The following PXDN variants were observed in gnomAD, a reference collection of about 807,000 sequenced individuals.
The protein encoded by PXDN is peroxidasin, also known as peroxidasin homolog.
Under a neutral mutation model 140.3 loss-of-function variants are expected in PXDN, and 77 were observed. The ratio of observed to expected loss-of-function variants is 0.55; its 90% CI spans 0.46 to 0.66. The LOEUF is 0.66. PXDN is among the 30% of genes least tolerant of loss of function. PXDN has a pLI of 0.00. For synonymous variants in PXDN, 911 were observed against 857.4 expected (o/e 1.06, Z -1.09); for missense variants, 1,838 against 2,039.5 (o/e 0.90, Z 1.90).
rs1685638596 is a variant in PXDN at position 1,744,335 on chromosome 2, G to T, written c.121C>A (p.Leu41Met). 1.3e-6 allele frequency: 2 copies of T among 1,528,164 alleles called. No individual in the cohort carries two copies. The allele number at this position is 1,528,164 out of a possible 1,614,324, so 94.7% of individuals were successfully genotyped here. A position where few individuals can be genotyped will look rare whatever the true frequency, so the allele number is the denominator to read the frequency against. The change falls in exon 1 of 23, where the codon CTG becomes ATG. Residue 41 changes from leucine to methionine, a missense_variant. By Grantham distance (15) the Leu-to-Met change is conservative. Around this residue, in one of 5 missense-constraint regions of PXDN, gnomAD observed 231 missense variants for 201.5 expected, o/e 1.15. Coordinates refer to ENST00000252804, the MANE Select transcript of PXDN (RefSeq NM_012293.3). ...KPGAGCPSRC[L>M]CFRTTVRCMH... ...CAGCGCACGGTGGTGCGGAAGCACA[G>T]GCAGCGGCTCGGACACCCTGCGCCC...
At chr2:1,658,027 GCTCTCTCTCTCTCT>G (rs1156959508) in intron 14 of PXDN, among the ~76,000 whole-genome samples, 29 of 4,906 alleles carry the variant, frequency 5.9e-3, no homozygotes, top group Admixed American at 0.017. Flanking sequence ...TCAGCTGTGG[GCTCTCTCTCTCTCT>G]CTCTCTCTCT....
intron 1 of PXDN, among the ~76,000 whole-genome samples, chr2:1,721,916 A>C (rs982398963): frequency 1.3e-5 from 2 of 152,238 alleles, no homozygotes; most frequent in Admixed American, 1.3e-4. Flanking sequence ...TATTTATACC[A>C]AATAGTTACT....
intron 1 of PXDN, among the ~76,000 whole-genome samples, chr2:1,701,692 C>A (rs776720481): frequency 2.6e-5 from 4 of 152,130 alleles, no homozygotes; most frequent in Non-Finnish European, 4.4e-5. Flanking sequence ...CCTGAGCCCC[C>A]ACGGCTGCAG....
chr2:1,676,140 A>G (rs11127327), intron 8 of PXDN: 57,118 of 146,598 alleles, frequency 0.39, 11,491 homozygotes, highest in Admixed American at 0.41. Context: ...CCCTGCACCC[A>G]GGTCCTGCCC....
chr2:1,722,605 C>CA (rs1322913014), intron 1 of PXDN, among the ~76,000 whole-genome samples: 1 of 152,212 alleles, frequency 6.6e-6, no homozygotes, highest in Non-Finnish European at 1.5e-5. Flanking sequence ...AACCTCCCCT[C>CA]AAAAAATATA....
chr2:1,663,925 C>T (rs916172647), intron 11 of PXDN, 162 bp from the exon 12 acceptor site: 3 of 769,614 alleles, frequency 3.9e-6, no homozygotes, highest in Non-Finnish European at 6.3e-6. Context: ...CCAGCAGACA[C>T]CATGGTGACA....
upstream of PXDN, chr2:1,744,517 C>T: frequency 7.7e-7 from 1 of 1,292,024 alleles, no homozygotes; most frequent in Non-Finnish European, 9.8e-7. Context: ...CCCGACTGCG[C>T]CCGCCCGGCC....
chr2:1,723,176 T>C (rs1363709296), intron 1 of PXDN, among the ~76,000 whole-genome samples: 2 of 151,382 alleles, frequency 1.3e-5, no homozygotes, highest in Non-Finnish European at 2.9e-5. Flanking sequence ...TGAGTAGTTA[T>C]GGATGAATGG....
intron 1 of PXDN, among the ~76,000 whole-genome samples, chr2:1,727,797 T>A (rs183484542): frequency 1.3e-5 from 2 of 152,312 alleles, no homozygotes; most frequent in African/African-American, 4.8e-5. Context: ...GACTTCCTAA[T>A]AGTATAATTA....
chr2:1,672,738 G>A (rs1056509303), intron 9 of PXDN, among the ~76,000 whole-genome samples: 3 of 152,196 alleles, frequency 2.0e-5, no homozygotes, highest in Non-Finnish European at 4.4e-5. Context: ...AAGGAGCTGG[G>A]ATTTAAACAA....
Position 1,709,451 on chromosome 2 carries a change from C to G in PXDN, c.201-16317G>C, listed in dbSNP as rs1684701671. On this transcript the variant is annotated intron_variant, in intron 1 of 22. Transcript: ENST00000252804. ...AAAGGACCTCTAACGGAAGCCACAG[C>G]GGGGCTGGGGTGCAGCGGGGCTGGG... Among the ~76,000 whole-genome samples, 5 of 143,076 alleles carry G rather than the reference C, an allele frequency of 3.5e-5. No homozygotes were observed. The South Asian group carries it at 1.1e-3, about 32-fold the overall frequency. 93.9% of individuals were successfully genotyped at this position (143,076 alleles called of 152,430 possible). A position where few individuals can be genotyped will look rare whatever the true frequency, so the allele number is the denominator to read the frequency against.
rs866181536 is a variant in PXDN at position 1,685,492 on chromosome 2, G to A, written c.417-1341C>T. On this transcript the variant is annotated intron_variant, in intron 4 of 22. Coordinates refer to ENST00000252804, the MANE Select transcript of PXDN (RefSeq NM_012293.3). The surrounding 1 kb of genome is among the most constrained non-coding windows in gnomAD (Gnocchi z 5.1). The stretch of plus-strand genomic sequence containing the variant: ...TCACAGCCCATGGCAGCTGGGGACC[G>A]ATGTAAGACCCAGGCACCACCACGG... Among the ~76,000 whole-genome samples, 24 of 152,184 alleles carry A rather than the reference G, an allele frequency of 1.6e-4. No homozygotes were observed. The highest frequency in any genetic ancestry group is 5.3e-4 in the African/African-American group (22 of 41,516).
At chr2:1,741,128 C>T (rs1395397792) in intron 1 of PXDN, among the ~76,000 whole-genome samples, 5 of 152,114 alleles carry the variant, frequency 3.3e-5, no homozygotes, top group Non-Finnish European at 5.9e-5. Flanking sequence ...GAGGGCCTAG[C>T]TCCAGTGTGT....
chr2:1,648,672 C>T lies in PXDN; in HGVS notation c.3108G>A (p.Pro1036=), dbSNP rs747044838. 53 of 1,608,406 alleles carry T rather than the reference C, an allele frequency of 3.3e-5. 1 individual carries two copies. In the South Asian group the frequency reaches 4.6e-4, roughly 14 times the overall value. Residue 1036 remains proline, a synonymous_variant, in exon 17 of 23, where the codon CCG becomes CCA. Coordinates refer to ENST00000252804, the MANE Select transcript of PXDN (RefSeq NM_012293.3). This position sits in a 1 kb window ranked among gnomAD's most constrained non-coding sequence, Gnocchi z 8.9. ...IQHITYQHWL[P]KILGEVGMRT... is the part of the protein sequence containing the mutation. ...TCATGCCCACCTCCCCCAGGATCTTCGGGAGCCAGTGCTGGTAGGTGATGT... is the reference window on the plus strand; with the variant it reads ...TCATGCCCACCTCCCCCAGGATCTTTGGGAGCCAGTGCTGGTAGGTGATGT...
Position 1,633,809 on chromosome 2 carries a change from A to C in PXDN, c.*395T>G, listed in dbSNP as rs1421927347. ...AGGTCTGCCGGCTCCTGGCATCTGAACAAGGCAAGGCTGACATATAGAGGT... is the reference window on the plus strand; with the variant it reads ...AGGTCTGCCGGCTCCTGGCATCTGACCAAGGCAAGGCTGACATATAGAGGT... On this transcript the variant is annotated 3_prime_UTR_variant, in exon 23 of 23. Coordinates refer to ENST00000252804, the MANE Select transcript of PXDN (RefSeq NM_012293.3). 6.4e-6 allele frequency: 1 copy of C among 155,510 alleles called. No homozygotes were observed. The highest frequency in any genetic ancestry group is 2.4e-5 in the African/African-American group (1 of 41,580). The allele number at this position is 155,510 out of a possible 1,614,324, so 9.6% of individuals were successfully genotyped here. A position where few individuals can be genotyped will look rare whatever the true frequency, so the allele number is the denominator to read the frequency against.
At chr2:1,732,988 GAGAA>G (rs747369917) in intron 1 of PXDN, among the ~76,000 whole-genome samples, 22 of 152,170 alleles carry the variant, frequency 1.4e-4, no homozygotes, top group Non-Finnish European at 2.6e-4. Context: ...ATCAGACATT[GAGAA>G]AGAAAGACTT....
chr2:1,682,009 G>A (rs554893559), intron 6 of PXDN, among the ~76,000 whole-genome samples: 1 of 152,350 alleles, frequency 6.6e-6, no homozygotes, highest in African/African-American at 2.4e-5. Flanking sequence ...CGAGCAGACA[G>A]CAGCCAGGAC....
chr2:1,734,735 C>A (rs773830920), intron 1 of PXDN, among the ~76,000 whole-genome samples: 1 of 152,090 alleles, frequency 6.6e-6, no homozygotes, highest in Non-Finnish European at 1.5e-5. Context: ...GGCATGGTGG[C>A]GCATGGCTGT....
intron 1 of PXDN, among the ~76,000 whole-genome samples, chr2:1,732,870 C>T (rs990511175): frequency 1.3e-5 from 2 of 152,184 alleles, no homozygotes; most frequent in African/African-American, 2.4e-5. Context: ...ATTTATTCCA[C>T]AAGTTCAAAA....
Sources: allele counts gnomAD v4.1 joint callset (sites outside exome capture counted in the v4.1 genomes callset), GRCh38; gene constraint gnomAD v4.1.1; regional missense constraint gnomAD v4.1.1; non-coding constraint Gnocchi (gnomAD v3.1); transcripts MANE v1.5; gene names NCBI Gene and HGNC (gene_info 2026-07-23, HGNC 2026-07-21).